The following ALKBH3 variants were observed in gnomAD, a reference collection of about 807,000 sequenced individuals.
ALKBH3 encodes the protein alpha-ketoglutarate-dependent dioxygenase alkB homolog 3.
ALKBH3 carries 51 observed loss-of-function variants against 43.9 expected under a neutral mutation model. That is an observed-to-expected ratio of 1.16 (90% CI 0.93 to 1.47). The LOEUF is 1.47. Ranked by LOEUF, ALKBH3 falls within the 40% of genes most tolerant of loss-of-function variation. The pLI is 0.00. For missense variants in ALKBH3, 361 were observed against 351.9 expected (o/e 1.03, Z -0.21); for synonymous variants, 102 against 115.2 (o/e 0.89, Z 0.73).
At chr11:43,908,528 C>T (rs34764713) in intron 8 of ALKBH3, among the ~76,000 whole-genome samples, 1 of 152,076 alleles carries the variant, frequency 6.6e-6, no homozygotes, top group Non-Finnish European at 1.5e-5. Context: ...GAGATAGAAG[C>T]TCTTTCAAGA....
At chr11:43,896,777 G>A (rs1951822015) in intron 7 of ALKBH3, among the ~76,000 whole-genome samples, 1 of 151,382 alleles carries the variant, frequency 6.6e-6, no homozygotes, top group Non-Finnish European at 1.5e-5. Flanking sequence ...AATTTTTTTT[G>A]TTATTTTATA....
intron 7 of ALKBH3, among the ~76,000 whole-genome samples, chr11:43,900,697 C>T (rs971479637): frequency 1.3e-5 from 2 of 152,212 alleles, no homozygotes; most frequent in South Asian, 2.1e-4. Context: ...GTAAAGTACT[C>T]GAGATTTCTG....
rs144482977 is a variant in ALKBH3, at chr11:43,898,329, A to G, written c.460-3187A>G. 6.0e-5 allele frequency: 43 copies of G among 716,162 alleles called. 1 individual carries two copies. Among genetic ancestry groups the G allele is most frequent in the South Asian group, 2.7e-4 (17 of 63,082 alleles). 44.4% of individuals were successfully genotyped at this position (716,162 alleles called of 1,614,324 possible). Reference sequence around the variant, plus strand: ...ACAAAGCCAGAGAGATCATTTGTCAATCTTTGGCGTGGAGGAAGCAGCACC... The same window carrying G: ...ACAAAGCCAGAGAGATCATTTGTCAGTCTTTGGCGTGGAGGAAGCAGCACC... On this transcript the variant is annotated intron_variant, in intron 7 of 9. Transcript: ENST00000302708.
At position 43,898,898 on chromosome 11, in the gene ALKBH3, C is replaced by T. The variant is rs2135189583; in HGVS notation, c.460-2618C>T. 6 of 751,770 alleles carry T rather than the reference C, an allele frequency of 8.0e-6. 1 individual carries two copies. In the South Asian group the frequency reaches 8.4e-5, roughly 10 times the overall value. The allele number at this position is 751,770 out of a possible 1,614,324, so 46.6% of individuals were successfully genotyped here. The stretch of plus-strand genomic sequence containing the variant: ...TTTCAGATTTCCTGAGTGGAGAGTG[C>T]ATGTGCAAAGTGCCAGAGGGTGGAC... On this transcript the variant is annotated intron_variant, in intron 7 of 9. Transcript: ENST00000302708.
At chr11:43,882,336 AT>A (rs1951717673) in intron 1 of ALKBH3, among the ~76,000 whole-genome samples, 1 of 152,232 alleles carries the variant, frequency 6.6e-6, no homozygotes, top group East Asian at 1.9e-4. Context: ...TAATTTTAGA[AT>A]TTCTTAAAAT....
rs1590385456 is a variant in ALKBH3, at chr11:43,920,216, C to T, written c.*206C>T. 2 of 538,772 alleles carry T rather than the reference C, an allele frequency of 3.7e-6. No homozygotes were observed. The highest frequency in any genetic ancestry group is 6.6e-5 in the Admixed American group (2 of 30,530). The allele number at this position is 538,772 out of a possible 1,614,324, so 33.4% of individuals were successfully genotyped here. A position where few individuals can be genotyped will look rare whatever the true frequency, so the allele number is the denominator to read the frequency against. ...CTGTGGGAACAGTTATCCCTAACCA[C>T]AGCTCAAAATCGCTATCATCTTTAG... On this transcript the variant is annotated 3_prime_UTR_variant, in exon 10 of 10. Coordinates refer to ENST00000302708, the MANE Select transcript of ALKBH3 (RefSeq NM_139178.4).
At chr11:43,902,899 G>A (rs552127320) in intron 8 of ALKBH3, among the ~76,000 whole-genome samples, 68 of 152,278 alleles carry the variant, frequency 4.5e-4, no homozygotes, top group African/African-American at 1.6e-3. Context: ...ACCTGGCCCA[G>A]GCTGATTTTT....
chr11:43,919,342 G>A (rs1041992408), intron 9 of ALKBH3, among the ~76,000 whole-genome samples: 9 of 152,252 alleles, frequency 5.9e-5, no homozygotes, highest in Admixed American at 5.2e-4. Flanking sequence ...CTGTGATGAT[G>A]AAAGTGTTCA....
At chr11:43,916,198 A>G (rs1446739556) in intron 8 of ALKBH3, among the ~76,000 whole-genome samples, 12 of 152,244 alleles carry the variant, frequency 7.9e-5, no homozygotes, top group African/African-American at 2.4e-4. Context: ...TGGATGGTTA[A>G]TAATGACATA....
At chr11:43,901,821 G>A in intron 8 of ALKBH3, 96 bp downstream of exon 8, 1 of 1,384,532 alleles carries the variant, frequency 7.2e-7, no homozygotes, top group Non-Finnish European at 9.9e-7. Flanking sequence ...TTTCGAGCAT[G>A]GGAATACACA....
intron 4 of ALKBH3, among the ~76,000 whole-genome samples, chr11:43,885,368 AT>A (rs1282824991): frequency 6.6e-6 from 1 of 152,248 alleles, no homozygotes; most frequent in Non-Finnish European, 1.5e-5. Flanking sequence ...TCAGGGAAAC[AT>A]TATAGACGAT....
At chr11:43,896,068 G>A (rs183011682) in intron 7 of ALKBH3, among the ~76,000 whole-genome samples, 73 of 152,240 alleles carry the variant, frequency 4.8e-4, no homozygotes, top group African/African-American at 1.7e-3. Context: ...CGGGCAGACC[G>A]ACTGTGGTTA....
intron 7 of ALKBH3, chr11:43,897,211 A>C (rs927684021): frequency 3.8e-6 from 2 of 527,986 alleles, no homozygotes; most frequent in African/African-American, 3.8e-5. Context: ...TATTGCAACT[A>C]ACCTTTAAGA....
At chr11:43,911,188 C>T (rs750469280) in intron 8 of ALKBH3, among the ~76,000 whole-genome samples, 4 of 152,156 alleles carry the variant, frequency 2.6e-5, no homozygotes, top group South Asian at 2.1e-4. Context: ...TTGTAGTCAT[C>T]GCAGTGGGAG....
At chr11:43,907,767 G>T (rs755323337) in intron 8 of ALKBH3, among the ~76,000 whole-genome samples, 5 of 152,154 alleles carry the variant, frequency 3.3e-5, no homozygotes, top group Admixed American at 6.5e-5. Flanking sequence ...GACTGGGAGA[G>T]TGGGCAGGCA....
chr11:43,901,479 C>T (rs375906822), intron 7 of ALKBH3, 37 bp from the exon 8 acceptor site: 7 of 1,606,660 alleles, frequency 4.4e-6, no homozygotes, highest in Admixed American at 1.7e-5. Flanking sequence ...GTGTGTAATG[C>T]GACTGTCTTG....
chr11:43,919,003 G>A (rs1339579878), intron 8 of ALKBH3, 35 bp from the exon 9 acceptor site: 4 of 1,541,960 alleles, frequency 2.6e-6, no homozygotes, highest in East Asian at 4.5e-5. Context: ...GATTACACAG[G>A]CAAAACATTT....
chr11:43,880,951 C>G lies in ALKBH3; in HGVS notation c.-299C>G, dbSNP rs1040752167. Reference sequence around the variant, plus strand: ...CCCGCAAGTGCGCCTTCCTGACTTACTGCTGGGTGCGCGGGGCTGGGGGTG... The same window carrying G: ...CCCGCAAGTGCGCCTTCCTGACTTAGTGCTGGGTGCGCGGGGCTGGGGGTG... On this transcript the variant is annotated 5_prime_UTR_variant, in exon 1 of 10. Coordinates refer to ENST00000302708, the MANE Select transcript of ALKBH3 (RefSeq NM_139178.4). 6.6e-6 allele frequency: 1 copy of G among 152,486 alleles called. No individual in the cohort carries two copies. The allele number at this position is 152,486 out of a possible 1,614,324, so 9.4% of individuals were successfully genotyped here.
intron 1 of ALKBH3, 111 bp from the exon 2 acceptor site, chr11:43,882,472 A>G (rs933322898): frequency 2.0e-6 from 1 of 489,746 alleles, no homozygotes; most frequent in East Asian, 3.4e-5. Flanking sequence ...CTGATTTTAC[A>G]TGGAAGCTCT....
Sources: gnomAD v4.1 joint callset for allele counts (sites outside exome capture counted in the v4.1 genomes callset) on GRCh38, gnomAD v4.1.1 for gene constraint, MANE v1.5 for transcripts, NCBI Gene and HGNC (gene_info 2026-07-23, HGNC 2026-07-21) for gene names.